Variants in SLC44A5 observed in about 807,000 individuals in gnomAD.
SLC44A5 encodes the protein solute carrier family 44 member 5.
In SLC44A5, 57 loss-of-function variants were observed where a neutral mutation model predicts 101.8. The observed-to-expected ratio is 0.56, with a 90% CI of 0.45 to 0.70. The LOEUF (loss-of-function observed/expected upper bound fraction) is 0.70. Among genes scored for constraint, SLC44A5 ranks in the 30% least tolerant of loss-of-function variants. The pLI is 0.00. For synonymous variants in SLC44A5, 281 were observed against 290.9 expected (o/e 0.97, Z 0.35); for missense variants, 737 against 853.1 (o/e 0.86, Z 1.70).
intron 2 of SLC44A5, among the ~76,000 whole-genome samples, chr1:75,528,502 T>C (rs1181842024): frequency 6.6e-6 from 1 of 152,200 alleles, no homozygotes; most frequent in Non-Finnish European, 1.5e-5. Flanking sequence ...GCACTAGCTG[T>C]GAAGAATGTT....
At chr1:75,577,922 T>G (rs1296841357) in intron 1 of SLC44A5, among the ~76,000 whole-genome samples, 2 of 152,192 alleles carry the variant, frequency 1.3e-5, no homozygotes, top group Non-Finnish European at 2.9e-5. Context: ...TCTCCTAGTT[T>G]TTAAGTCTTC....
At chr1:75,638,026 T>A in the SLC44A5 span, among the ~76,000 whole-genome samples, 1 of 152,066 alleles carries the variant, frequency 6.6e-6, no homozygotes, top group Non-Finnish European at 1.5e-5. Flanking sequence ...TATTGTATAT[T>A]CTCTTGACCT....
intron 2 of SLC44A5, among the ~76,000 whole-genome samples, chr1:75,497,463 G>A (rs769221491): frequency 6.6e-6 from 1 of 152,078 alleles, no homozygotes; most frequent in Non-Finnish European, 1.5e-5. Context: ...GAGTACAATG[G>A]TGATTTCCTG....
At chr1:75,526,375 C>T (rs1206162256) in intron 2 of SLC44A5, among the ~76,000 whole-genome samples, 1 of 152,186 alleles carries the variant, frequency 6.6e-6, no homozygotes, top group Admixed American at 6.5e-5. Flanking sequence ...GGCTACCTCA[C>T]AGTTAGGTTG....
At chr1:75,635,681 T>C in the SLC44A5 span, among the ~76,000 whole-genome samples, 134 of 142,668 alleles carry the variant, frequency 9.4e-4, 1 homozygote, top group Middle Eastern at 3.5e-3. Flanking sequence ...GGGGGAGGAA[T>C]AGCATTAGGA....
rs561558370 is a variant in SLC44A5 at position 75,279,982 on chromosome 1, A to G, written c.176-4940T>C. Among the ~76,000 whole-genome samples the G allele has an allele frequency of 2.7e-5, 4 of 150,356 alleles. No homozygotes were observed. In the South Asian group the frequency reaches 6.3e-4, roughly 24 times the overall value. On this transcript the variant is annotated intron_variant, in intron 5 of 23. Transcript: ENST00000370859. ...CATCCTCATAGCTTAGCTTCCATCT[A>G]TAAGCGAGAATATACGATGTTTGGT...
chr1:75,340,299 A>G (rs1031914033), intron 3 of SLC44A5, among the ~76,000 whole-genome samples: 2 of 152,066 alleles, frequency 1.3e-5, no homozygotes, highest in Non-Finnish European at 2.9e-5. Flanking sequence ...TTCTCCCTAC[A>G]TGTACTGTGT....
chr1:75,358,022 A>ACG (rs35959051), intron 3 of SLC44A5, among the ~76,000 whole-genome samples: 37,285 of 151,810 alleles, frequency 0.25, 5,628 homozygotes, highest in East Asian at 0.75. Context: ...ACACACACAC[A>ACG]CACACATACA....
Position 75,414,555 on chromosome 1 carries a change from ATTG to A in SLC44A5, c.14-17937_14-17935del, listed in dbSNP as rs1315287973. Among the ~76,000 whole-genome samples the A allele has an allele frequency of 2.0e-5, 3 of 152,324 alleles. No individual in the cohort carries two copies. The East Asian group carries it at 5.8e-4, about 29-fold the overall frequency. On this transcript the variant is annotated intron_variant, in intron 2 of 23. Coordinates refer to ENST00000370859, the MANE Select transcript of SLC44A5 (RefSeq NM_001130058.2). The stretch of plus-strand genomic sequence containing the variant: ...ACATAACCAACTATTTATACAGTAA[ATTG>A]TTGAATTAAAGTTGTGTTTAGGTGT...
the SLC44A5 span, among the ~76,000 whole-genome samples, chr1:75,635,926 G>A: frequency 6.6e-6 from 1 of 151,808 alleles, no homozygotes; most frequent in Admixed American, 6.6e-5. Flanking sequence ...TTTTTAACTT[G>A]TTTAAATTTA....
chr1:75,382,529 CTG>C (rs1660985676), intron 3 of SLC44A5, among the ~76,000 whole-genome samples: 1 of 73,740 alleles, frequency 1.4e-5, no homozygotes. Flanking sequence ...GTTACTGTGT[CTG>C]TGTAGAAAGA....
intron 4 of SLC44A5, among the ~76,000 whole-genome samples, chr1:75,302,889 G>GTT (rs1654607289): frequency 1.3e-5 from 2 of 152,158 alleles, no homozygotes; most frequent in African/African-American, 4.8e-5. Context: ...GTGGGACAGA[G>GTT]TTTGATGGCA....
chr1:75,665,004 A>C, the SLC44A5 span, among the ~76,000 whole-genome samples: 1 of 152,082 alleles, frequency 6.6e-6, no homozygotes, highest in Non-Finnish European at 1.5e-5. Flanking sequence ...GATGGGAAGA[A>C]TCAATATTAT....
At chr1:75,222,890 A>C (rs1360978117) in intron 13 of SLC44A5, among the ~76,000 whole-genome samples, 1 of 152,136 alleles carries the variant, frequency 6.6e-6, no homozygotes, top group African/African-American at 2.4e-5. Context: ...GCTGGCTGGC[A>C]GGGCAGGTTC....
chr1:75,364,154 G>T (rs1334655169), intron 3 of SLC44A5, among the ~76,000 whole-genome samples: 1 of 152,108 alleles, frequency 6.6e-6, no homozygotes, highest in Non-Finnish European at 1.5e-5. Flanking sequence ...TCTTTGGTTT[G>T]TATTTGATTG....
chr1:75,477,536 C>T (rs1214065053), intron 2 of SLC44A5, among the ~76,000 whole-genome samples: 1 of 152,048 alleles, frequency 6.6e-6, no homozygotes, highest in Non-Finnish European at 1.5e-5. Context: ...ACTAGAATAA[C>T]CAATACAGAG....
intron 3 of SLC44A5, among the ~76,000 whole-genome samples, chr1:75,376,445 G>T (rs543042109): frequency 6.6e-6 from 1 of 152,194 alleles, no homozygotes; most frequent in Non-Finnish European, 1.5e-5. Flanking sequence ...CTGTCTGACA[G>T]CTTTGAAGAG....
At chr1:75,429,862 G>A (rs969316649) in intron 2 of SLC44A5, among the ~76,000 whole-genome samples, 45 of 152,180 alleles carry the variant, frequency 3.0e-4, no homozygotes, top group Non-Finnish European at 4.3e-4. Flanking sequence ...CACTAACACT[G>A]GGGATTACAT....
chr1:75,533,956 G>A (rs945620638), intron 2 of SLC44A5, among the ~76,000 whole-genome samples: 14 of 152,196 alleles, frequency 9.2e-5, no homozygotes, highest in Non-Finnish European at 1.9e-4. Context: ...AGAATAAATT[G>A]CAAAAGTCAT....
Sources: gnomAD v4.1 joint callset for allele counts (sites outside exome capture counted in the v4.1 genomes callset) on GRCh38, gnomAD v4.1.1 for gene constraint, MANE v1.5 for transcripts, NCBI Gene and HGNC (gene_info 2026-07-23, HGNC 2026-07-21) for gene names.